The following NKAIN2 variants were observed in gnomAD, a reference collection of about 807,000 sequenced individuals.
NKAIN2 encodes sodium/potassium transporting ATPase interacting 2, also known as sodium/potassium-transporting ATPase subunit beta-1-interacting protein 2.
Under a neutral mutation model 32.6 loss-of-function variants are expected in NKAIN2, and 14 were observed. That is an observed-to-expected ratio of 0.43 (90% CI 0.28 to 0.67). The LOEUF is 0.67. Ranked by LOEUF, NKAIN2 falls within the 30% of genes least tolerant of loss-of-function variation. The pLI, the probability that NKAIN2 is intolerant of heterozygous loss-of-function variation, is 0.17. For missense variants in NKAIN2, 198 were observed against 258.3 expected, an observed-to-expected ratio of 0.77 and a Z score of 1.60; for synonymous variants, 80 against 87.2, an observed-to-expected ratio of 0.92 and a Z score of 0.46.
At chr6:124,717,825 T>C (rs1234330303) in intron 4 of NKAIN2, among the ~76,000 whole-genome samples, 1 of 152,174 alleles carries the variant, frequency 6.6e-6, no homozygotes, top group East Asian at 1.9e-4. Flanking sequence ...CCACTCTGGT[T>C]CTGCCCGTTG....
chr6:123,924,194 T>C (rs1166270646), intron 1 of NKAIN2, among the ~76,000 whole-genome samples: 1 of 152,198 alleles, frequency 6.6e-6, no homozygotes, highest in Non-Finnish European at 1.5e-5. Flanking sequence ...TGATATCACT[T>C]CTGAGGACAG....
chr6:124,714,576 G>A (rs1248381280), intron 4 of NKAIN2, among the ~76,000 whole-genome samples: 1 of 152,092 alleles, frequency 6.6e-6, no homozygotes, highest in Non-Finnish European at 1.5e-5. Flanking sequence ...ACTTATTACG[G>A]GCTACACATT....
intron 3 of NKAIN2, among the ~76,000 whole-genome samples, chr6:124,372,187 A>G (rs971864312): frequency 1.2e-4 from 18 of 152,198 alleles, no homozygotes; most frequent in African/African-American, 4.1e-4. Flanking sequence ...TTAATGAAAG[A>G]AATTTGGTTT....
intron 1 of NKAIN2, among the ~76,000 whole-genome samples, chr6:124,073,043 T>G (rs943230758): frequency 6.6e-6 from 1 of 152,220 alleles, no homozygotes; most frequent in Non-Finnish European, 1.5e-5. Context: ...GATGATTTAG[T>G]CCTGTTGGAA....
intron 3 of NKAIN2, among the ~76,000 whole-genome samples, chr6:124,479,654 A>G (rs62437506): frequency 0.022 from 3,373 of 152,318 alleles, 82 homozygotes; most frequent in Non-Finnish European, 0.032. Context: ...ATTAGAAAAG[A>G]AAATCTAGAA....
chr6:124,454,200 A>G (rs142404665), intron 3 of NKAIN2, among the ~76,000 whole-genome samples: 1 of 151,888 alleles, frequency 6.6e-6, no homozygotes, highest in East Asian at 1.9e-4. Context: ...CCCTTAGTGA[A>G]TATTATGTTT....
At chr6:123,831,879 C>T (rs1459435680) in intron 1 of NKAIN2, among the ~76,000 whole-genome samples, 3 of 152,106 alleles carry the variant, frequency 2.0e-5, no homozygotes, top group African/African-American at 4.8e-5. Context: ...TGGTCTTGAT[C>T]TCCTGACCTC....
intron 2 of NKAIN2, among the ~76,000 whole-genome samples, chr6:124,333,032 CAATTG>C (rs1051221647): frequency 6.6e-6 from 1 of 152,074 alleles, no homozygotes; most frequent in African/African-American, 2.4e-5. Context: ...ATATTATTAA[CAATTG>C]AATTCTAGAA....
intron 3 of NKAIN2, among the ~76,000 whole-genome samples, chr6:124,391,593 A>C (rs9491154): frequency 0.092 from 13,937 of 152,100 alleles, 1,090 homozygotes; most frequent in African/African-American, 0.22. Context: ...GTCAGAACAC[A>C]CAAAGAGAGC....
chr6:124,412,467 C>G (rs902083538), intron 3 of NKAIN2, among the ~76,000 whole-genome samples: 4 of 152,178 alleles, frequency 2.6e-5, no homozygotes, highest in African/African-American at 9.7e-5. Flanking sequence ...TGGGTATCAG[C>G]AGTGGTGGCT....
In NKAIN2 at chr6:124,441,577, C is replaced by T. The variant is rs78021636; in HGVS notation, c.273+86230C>T. On this transcript the variant is annotated intron_variant, in intron 3 of 6. Coordinates refer to ENST00000368417, the MANE Select transcript of NKAIN2 (RefSeq NM_001040214.3). ...AGGTCCACATGGAGGAGTTTACCCA[C>T]AGACTCAGCTGAAGTTCCAGCTGAG... Among the ~76,000 whole-genome samples the T allele has an allele frequency of 5.7e-3, 869 of 152,184 alleles. 4 individuals carry two copies. The highest frequency in any genetic ancestry group is 0.02 in the African/African-American group (841 of 41,554).
chr6:124,366,022 A>G (rs1387022248), intron 3 of NKAIN2, among the ~76,000 whole-genome samples: 1 of 152,110 alleles, frequency 6.6e-6, no homozygotes, highest in Non-Finnish European at 1.5e-5. Context: ...GAGAGATATT[A>G]AAAGAGTAGA....
At chr6:124,331,125 C>G (rs746337120) in intron 2 of NKAIN2, among the ~76,000 whole-genome samples, 18 of 152,008 alleles carry the variant, frequency 1.2e-4, no homozygotes, top group Non-Finnish European at 2.1e-4. Flanking sequence ...ATATTTGGCA[C>G]CCCAAAGTTT....
At chr6:124,315,480 G>T (rs1796911416) in intron 2 of NKAIN2, among the ~76,000 whole-genome samples, 1 of 152,124 alleles carries the variant, frequency 6.6e-6, no homozygotes, top group Non-Finnish European at 1.5e-5. Context: ...TACAATTTTG[G>T]AAGCAATTGA....
intron 1 of NKAIN2, among the ~76,000 whole-genome samples, chr6:123,999,308 T>G (rs1779778993): frequency 6.6e-6 from 1 of 152,150 alleles, no homozygotes; most frequent in Non-Finnish European, 1.5e-5. Context: ...GAGCTAACTA[T>G]TTGTGCAGGT....
chr6:124,735,536 T>C (rs958309076), intron 4 of NKAIN2, among the ~76,000 whole-genome samples: 5 of 151,930 alleles, frequency 3.3e-5, no homozygotes, highest in Non-Finnish European at 5.9e-5. Flanking sequence ...TATTGGGCTT[T>C]ACTCTATTGG....
At chr6:124,606,000 T>C (rs1782483735) in intron 3 of NKAIN2, among the ~76,000 whole-genome samples, 1 of 152,082 alleles carries the variant, frequency 6.6e-6, no homozygotes. Context: ...TTTAACTCCT[T>C]TGGGATATAA....
chr6:123,863,833 C>T (rs1028920181), intron 1 of NKAIN2, among the ~76,000 whole-genome samples: 6 of 152,146 alleles, frequency 3.9e-5, no homozygotes, highest in Non-Finnish European at 8.8e-5. Context: ...TCCATCTCAG[C>T]AAGGCTAGTT....
chr6:123,979,861 CTTGT>C (rs1163358431), intron 1 of NKAIN2, among the ~76,000 whole-genome samples: 1 of 150,160 alleles, frequency 6.7e-6, no homozygotes, highest in African/African-American at 2.5e-5. Flanking sequence ...GTCTCTAGCT[CTTGT>C]TTGTGTCTAC....
Sources: gnomAD v4.1 joint callset for allele counts (sites outside exome capture counted in the v4.1 genomes callset) on GRCh38, gnomAD v4.1.1 for gene constraint, MANE v1.5 for transcripts, NCBI Gene and HGNC (gene_info 2026-07-23, HGNC 2026-07-21) for gene names.